Variants in C14orf39 observed in about 807,000 individuals in gnomAD.
The protein encoded by C14orf39 is chromosome 14 open reading frame 39.
In C14orf39, 66 loss-of-function variants were observed where a neutral mutation model predicts 85.6. The ratio of observed to expected loss-of-function variants is 0.77; its 90% CI spans 0.63 to 0.95. C14orf39 has a LOEUF of 0.95. Ranked by LOEUF, C14orf39 falls within the 40% of genes least tolerant of loss-of-function variation. C14orf39 has a pLI of 0.00. For missense variants in C14orf39, 735 were observed against 663.9 expected, an observed-to-expected ratio of 1.11 and a Z score of -1.18; for synonymous variants, 242 against 214.0, an observed-to-expected ratio of 1.13 and a Z score of -1.14.
intron 16 of C14orf39, among the ~76,000 whole-genome samples, chr14:60,446,376 G>C (rs1183439007): frequency 6.6e-6 from 1 of 152,166 alleles, no homozygotes; most frequent in Non-Finnish European, 1.5e-5. Flanking sequence ...TATCACCACT[G>C]ATCCCACAGA....
chr14:60,496,401 T>C, intron 2 of C14orf39: 1 of 327,520 alleles, frequency 3.1e-6, no homozygotes, highest in Non-Finnish European at 6.1e-6. Flanking sequence ...TTCTGGGGTG[T>C]GGGTGGCAGG....
intron 14 of C14orf39, among the ~76,000 whole-genome samples, chr14:60,458,224 C>T (rs1373632109): frequency 1.3e-5 from 2 of 151,930 alleles, no homozygotes; most frequent in East Asian, 3.9e-4. Context: ...TATTTCTTCT[C>T]TCAAACTATA....
At chr14:60,448,497 G>T (rs1000100644) in intron 16 of C14orf39, among the ~76,000 whole-genome samples, 2 of 152,208 alleles carry the variant, frequency 1.3e-5, no homozygotes, top group Admixed American at 6.5e-5. Flanking sequence ...TCTCATGCTA[G>T]TTAGAATGGC....
chr14:60,456,836 A>T, intron 15 of C14orf39, 81 bp downstream of exon 15: 1 of 1,250,104 alleles, frequency 8.0e-7, no homozygotes, highest in Non-Finnish European at 1.1e-6. Context: ...TAAAGGTACT[A>T]AGCATTTTAC....
Position 60,467,011 on chromosome 14 carries a change from C to G in C14orf39, c.801G>C (p.Leu267Phe). The change falls in exon 10 of 18, where the codon TTG becomes TTC. Residue 267 changes from leucine to phenylalanine, a missense_variant. Leu to Phe is a conservative substitution (Grantham distance 22). Transcript: ENST00000321731. ...ATAATTGACTGCTTTGAGTTTTATT[C>G]AATGTAAGTACATGCTCATCTTTTC... is the stretch of plus-strand genomic sequence containing the variant. Reference protein sequence around the residue: ...IFGKDEHVLTLNKTQSSQLFL... With the variant: ...IFGKDEHVLTFNKTQSSQLFL... 1.4e-6 allele frequency: 2 copies of G among 1,436,494 alleles called. No homozygotes were observed. Among genetic ancestry groups the G allele is most frequent in the South Asian group, 3.1e-5 (2 of 64,084 alleles). 89.0% of individuals were successfully genotyped at this position (1,436,494 alleles called of 1,614,324 possible). A position where few individuals can be genotyped will look rare whatever the true frequency, so the allele number is the denominator to read the frequency against.
rs529067904 is a variant in C14orf39 at position 60,477,043 on chromosome 14, C to T, written c.323+1257G>A. 3.1e-3 allele frequency among the ~76,000 whole-genome samples: 465 copies of T among 152,250 alleles called. 2 individuals carry two copies. The highest frequency in any genetic ancestry group is 0.01 in the South Asian group (50 of 4,828). On this transcript the variant is annotated intron_variant, in intron 5 of 17. Transcript: ENST00000321731. ...CTATATTTTCCTTACTTCCCTGCAG[C>T]CTTGATTTTTAATCTAGTTTCTTTA... is the stretch of plus-strand genomic sequence containing the variant.
At chr14:60,470,937 T>C (rs1351805418) in intron 7 of C14orf39, among the ~76,000 whole-genome samples, 1 of 151,910 alleles carries the variant, frequency 6.6e-6, no homozygotes, top group Non-Finnish European at 1.5e-5. Flanking sequence ...TCTATTACAG[T>C]GGTACTGTAT....
At chr14:60,464,047 C>T (rs1891663682) in intron 11 of C14orf39, among the ~76,000 whole-genome samples, 4 of 152,122 alleles carry the variant, frequency 2.6e-5, no homozygotes, top group Non-Finnish European at 1.5e-5. Context: ...ACCCAAATGA[C>T]CAAGTTCTGG....
intron 7 of C14orf39, 137 bp downstream of exon 7, chr14:60,471,280 T>C (rs1223157988): frequency 1.5e-5 from 12 of 795,426 alleles, no homozygotes; most frequent in Admixed American, 6.4e-5. Context: ...AGATGACCTT[T>C]AAAATTACTT....
chr14:60,503,647 G>A (rs1427786045), intron 1 of C14orf39, among the ~76,000 whole-genome samples: 2 of 152,110 alleles, frequency 1.3e-5, no homozygotes, highest in African/African-American at 4.8e-5. Flanking sequence ...ATTGTTCTCT[G>A]TCCCACTAAT....
At chr14:60,481,376 G>A (rs1160693342) in intron 4 of C14orf39, among the ~76,000 whole-genome samples, 1 of 152,080 alleles carries the variant, frequency 6.6e-6, no homozygotes, top group East Asian at 1.9e-4. Flanking sequence ...TTATGCTTGG[G>A]CCAGGCGCAG....
intron 2 of C14orf39, chr14:60,494,159 C>T: frequency 3.2e-6 from 1 of 314,912 alleles, no homozygotes; most frequent in South Asian, 3.9e-5. Context: ...CCTTGGGAAA[C>T]ATTTCTGAGA....
chr14:60,508,820 G>A (rs1594630764), intron 1 of C14orf39: 1 of 156,958 alleles, frequency 6.4e-6, no homozygotes, highest in African/African-American at 2.4e-5. Flanking sequence ...ACAACGCATC[G>A]CCCCAAAGTG....
At chr14:60,490,017 T>G (rs1206705632), upstream of C14orf39, among the ~76,000 whole-genome samples, 2 of 152,214 alleles carry the variant, frequency 1.3e-5, no homozygotes, top group Non-Finnish European at 2.9e-5. Flanking sequence ...TTATCACTTT[T>G]CCTTCTTAAA....
chr14:60,477,743 A>C (rs1489440909), intron 5 of C14orf39, among the ~76,000 whole-genome samples: 1 of 152,158 alleles, frequency 6.6e-6, no homozygotes, highest in African/African-American at 2.4e-5. Context: ...TAATTGATGG[A>C]CTCTGCTATA....
intron 2 of C14orf39, chr14:60,499,289 G>C (rs530163313): frequency 6.6e-6 from 1 of 151,652 alleles, no homozygotes; most frequent in Non-Finnish European, 1.5e-5. Context: ...AGAATAACTC[G>C]CCTTACCAGA....
At chr14:60,448,736 GT>G (rs1000619631) in intron 16 of C14orf39, among the ~76,000 whole-genome samples, 1 of 152,176 alleles carries the variant, frequency 6.6e-6, no homozygotes, top group Non-Finnish European at 1.5e-5. Context: ...GCACACGTAT[GT>G]TTTTTGTGGC....
chr14:60,478,161 A>G, intron 5 of C14orf39, 139 bp downstream of exon 5: 1 of 174,756 alleles, frequency 5.7e-6, no homozygotes, highest in Non-Finnish European at 1.1e-5. Context: ...CCTGGGGGAC[A>G]GAGCGAGACT....
intron 16 of C14orf39, among the ~76,000 whole-genome samples, chr14:60,446,099 AAGAGAAAGC>A (rs2140034993): frequency 6.6e-6 from 1 of 152,336 alleles, no homozygotes; most frequent in African/African-American, 2.4e-5. Flanking sequence ...AAAAACTCCC[AAGAGAAAGC>A]AGGAAAGATC....
Sources: allele counts gnomAD v4.1 joint callset (sites outside exome capture counted in the v4.1 genomes callset), GRCh38; gene constraint gnomAD v4.1.1; transcripts MANE v1.5; gene names NCBI Gene and HGNC (gene_info 2026-07-23, HGNC 2026-07-21).